Variants in CDH18 observed in about 807,000 individuals in gnomAD.
CDH18 encodes cadherin-18.
CDH18 carries 31 observed loss-of-function variants against 67.9 expected under a neutral mutation model. The observed-to-expected ratio is 0.46, with a 90% CI of 0.34 to 0.62. CDH18 has a LOEUF of 0.62. Ranked by LOEUF, CDH18 falls within the 20% of genes least tolerant of loss-of-function variation. The pLI, the probability that CDH18 is intolerant of heterozygous loss-of-function variation, is 0.01. For missense variants in CDH18, 890 were observed against 975.5 expected, an observed-to-expected ratio of 0.91 and a Z score of 1.17; for synonymous variants, 362 against 347.2, an observed-to-expected ratio of 1.04 and a Z score of -0.48.
intron 2 of CDH18, among the ~76,000 whole-genome samples, chr5:20,138,888 C>T (rs1366868929): frequency 6.6e-6 from 1 of 152,086 alleles, no homozygotes; most frequent in Non-Finnish European, 1.5e-5. Flanking sequence ...GGCCATACTG[C>T]CTAAGGTAAT....
chr5:20,397,341 G>A (rs936873553), intron 1 of CDH18, among the ~76,000 whole-genome samples: 2 of 151,868 alleles, frequency 1.3e-5, no homozygotes, highest in Non-Finnish European at 2.9e-5. Flanking sequence ...CACGCTGGCC[G>A]GGCTGGCCTA....
At chr5:20,575,018 T>C (rs1759039073) in intron 1 of CDH18, among the ~76,000 whole-genome samples, 1 of 151,784 alleles carries the variant, frequency 6.6e-6, no homozygotes, top group Non-Finnish European at 1.5e-5. Context: ...GAAAAGCATA[T>C]GATAGCATCT....
intron 1 of CDH18, among the ~76,000 whole-genome samples, chr5:20,512,386 T>C (rs866625306): frequency 6.6e-6 from 1 of 152,296 alleles, no homozygotes. Context: ...TTTTTATGTA[T>C]GTTCATGATT....
At chr5:20,331,999 G>T (rs957644175) in intron 1 of CDH18, among the ~76,000 whole-genome samples, 5 of 152,106 alleles carry the variant, frequency 3.3e-5, no homozygotes, top group African/African-American at 4.8e-5. Flanking sequence ...AGACAATGAG[G>T]TTCACAGGCA....
intron 1 of CDH18, among the ~76,000 whole-genome samples, chr5:20,555,665 T>C (rs2126633297): frequency 6.6e-6 from 1 of 152,070 alleles, no homozygotes; most frequent in Non-Finnish European, 1.5e-5. Flanking sequence ...GGAATGATAG[T>C]TACTGTTTTG....
intron 1 of CDH18, among the ~76,000 whole-genome samples, chr5:20,520,540 G>A (rs1246322897): frequency 6.6e-6 from 1 of 152,082 alleles, no homozygotes; most frequent in African/African-American, 2.4e-5. Flanking sequence ...GAACCTTAGT[G>A]CTAATATACA....
intron 2 of CDH18, among the ~76,000 whole-genome samples, chr5:20,028,276 A>T (rs1026037761): frequency 6.6e-6 from 1 of 152,160 alleles, no homozygotes; most frequent in African/African-American, 2.4e-5. Context: ...ATATGAAAAC[A>T]TTAAATTGTT....
chr5:19,626,298 A>G (rs1206896833), intron 5 of CDH18, among the ~76,000 whole-genome samples: 1 of 152,210 alleles, frequency 6.6e-6, no homozygotes, highest in African/African-American at 2.4e-5. Context: ...TGTTGACTTG[A>G]CCAAAAAGGG....
intron 5 of CDH18, among the ~76,000 whole-genome samples, chr5:19,618,507 A>T (rs185437129): frequency 1.2e-3 from 188 of 152,050 alleles, no homozygotes; most frequent in African/African-American, 4.1e-3. Context: ...TGCCTGGCCT[A>T]CTTTTGGTTC....
At position 19,568,064 on chromosome 5, in the gene CDH18, G is replaced by T. The variant is rs570488692; in HGVS notation, c.1253+3515C>A. ...ATTAGTACTCCAGTTCTACCAATTT[G>T]CCAGTCAGTTTGTTTTAGTCTATGT... On this transcript the variant is annotated intron_variant, in intron 8 of 12. Coordinates refer to ENST00000382275, the MANE Select transcript of CDH18 (RefSeq NM_004934.5). Among the ~76,000 whole-genome samples, 18 of 152,170 alleles carry T rather than the reference G, an allele frequency of 1.2e-4. No individual in the cohort carries two copies. The East Asian group carries it at 3.3e-3, about 28-fold the overall frequency.
intron 2 of CDH18, among the ~76,000 whole-genome samples, chr5:19,900,121 T>G (rs1789781880): frequency 6.6e-6 from 1 of 152,080 alleles, no homozygotes; most frequent in African/African-American, 2.4e-5. Context: ...TAAAATGATG[T>G]TAAACGAAAT....
intron 1 of CDH18, among the ~76,000 whole-genome samples, chr5:20,434,937 G>A (rs1749055620): frequency 6.6e-6 from 1 of 152,062 alleles, no homozygotes; most frequent in Non-Finnish European, 1.5e-5. Context: ...TCTCTTGGAA[G>A]GGGTATGCAT....
intron 3 of CDH18, among the ~76,000 whole-genome samples, chr5:19,774,848 A>AAAAAAAAG (rs1774157511): frequency 7.4e-6 from 1 of 134,656 alleles, no homozygotes; most frequent in Non-Finnish European, 1.6e-5. Context: ...AAAAAAAAAA[A>AAAAAAAAG]AGGCCAAGAC....
chr5:19,498,320 A>C (rs1209663653), intron 11 of CDH18, among the ~76,000 whole-genome samples: 1 of 152,182 alleles, frequency 6.6e-6, no homozygotes, highest in Non-Finnish European at 1.5e-5. Flanking sequence ...CTCTGCTCGC[A>C]AGACATGAAG....
intron 10 of CDH18, among the ~76,000 whole-genome samples, chr5:19,506,260 G>C (rs900553749): frequency 2.6e-5 from 4 of 152,012 alleles, no homozygotes; most frequent in African/African-American, 9.7e-5. Flanking sequence ...AATAAAATAG[G>C]ATACAAACAA....
intron 1 of CDH18, among the ~76,000 whole-genome samples, chr5:20,399,663 T>C (rs59871190): frequency 0.027 from 4,049 of 152,300 alleles, 161 homozygotes; most frequent in African/African-American, 0.088. Flanking sequence ...CATTCAGACA[T>C]TCAATAAATA....
chr5:20,214,387 T>C (rs1740595013), intron 2 of CDH18, among the ~76,000 whole-genome samples: 1 of 151,986 alleles, frequency 6.6e-6, no homozygotes, highest in Non-Finnish European at 1.5e-5. Flanking sequence ...ACCAAGGCAG[T>C]CCTACGCAAA....
intron 3 of CDH18, among the ~76,000 whole-genome samples, chr5:19,778,840 G>A (rs1038980416): frequency 2.6e-5 from 4 of 152,178 alleles, no homozygotes; most frequent in Non-Finnish European, 5.9e-5. Flanking sequence ...CTGGACAGGA[G>A]AATATGAGGA....
chr5:20,573,751 C>T (rs940110483), intron 1 of CDH18, among the ~76,000 whole-genome samples: 2 of 146,108 alleles, frequency 1.4e-5, no homozygotes, highest in African/African-American at 5.0e-5. Context: ...CAGTGCCAGT[C>T]ACCATTCTCA....
Sources: allele counts gnomAD v4.1 joint callset (sites outside exome capture counted in the v4.1 genomes callset), GRCh38; gene constraint gnomAD v4.1.1; transcripts MANE v1.5; gene names NCBI Gene and HGNC (gene_info 2026-07-23, HGNC 2026-07-21).